The following CACNA1B variants were observed in gnomAD, a reference collection of about 807,000 sequenced individuals.
CACNA1B encodes the protein voltage-dependent N-type calcium channel subunit alpha-1B.
In CACNA1B, 70 loss-of-function variants were observed where a neutral mutation model predicts 247.2. The observed-to-expected ratio is 0.28, with a 90% CI of 0.23 to 0.35. CACNA1B has a LOEUF of 0.35. Among genes scored for constraint, CACNA1B ranks in the 10% least tolerant of loss-of-function variants. The probability of loss-of-function intolerance (pLI) is 1.00; values close to 1 mark genes in which losing one functional copy is unlikely to be tolerated. For synonymous variants in CACNA1B, 1,231 were observed against 1,294.4 expected (o/e 0.95, Z 1.05); for missense variants, 2,367 against 3,197.4 (o/e 0.74, Z 6.26).
At chr9:138,047,329 G>C (rs566312894) in intron 22 of CACNA1B, 70 bp from the exon 23 acceptor site, 135 of 1,197,718 alleles carry the variant, frequency 1.1e-4, no homozygotes, top group Non-Finnish European at 1.6e-4. Flanking sequence ...GGAAAAACTC[G>C]GAGCCACCGA....
intron 42 of CACNA1B, among the ~76,000 whole-genome samples, chr9:138,115,969 T>C (rs1454062380): frequency 6.6e-6 from 1 of 152,248 alleles, no homozygotes; most frequent in Non-Finnish European, 1.5e-5. Flanking sequence ...GGCTCTTCCT[T>C]TGCTGGGTTT....
intron 6 of CACNA1B, among the ~76,000 whole-genome samples, chr9:137,926,861 G>A (rs1315443052): frequency 6.6e-6 from 1 of 152,188 alleles, no homozygotes; most frequent in African/African-American, 2.4e-5. Flanking sequence ...GTCTGTTGGA[G>A]TTCCTTGCCC....
Position 137,974,311 on chromosome 9 carries a change from A to G in CACNA1B, c.1544-1596A>G, listed in dbSNP as rs952566485. On this transcript the variant is annotated intron_variant, in intron 11 of 46. Transcript: ENST00000371372. This position sits in a 1 kb window ranked among gnomAD's most constrained non-coding sequence, Gnocchi z 4.5. Reference sequence around the variant, plus strand: ...GGGTCGCTGGGCATCCATGCCTCTCACAGGGGGCTCTCGGCTTCTCCAGGG... The same window carrying G: ...GGGTCGCTGGGCATCCATGCCTCTCGCAGGGGGCTCTCGGCTTCTCCAGGG... Among the ~76,000 whole-genome samples, 20 of 152,116 alleles carry G rather than the reference A, an allele frequency of 1.3e-4. No homozygotes were observed. The highest frequency in any genetic ancestry group is 1.1e-3 in the Admixed American group (17 of 15,270).
intron 20 of CACNA1B, among the ~76,000 whole-genome samples, chr9:138,040,377 G>A (rs544649043): frequency 6.6e-6 from 1 of 151,762 alleles, no homozygotes; most frequent in African/African-American, 2.4e-5. Flanking sequence ...TATTGCTTGA[G>A]TTCATATATG....
In CACNA1B at chr9:138,123,648, C is replaced by G. The variant is rs1319045977; in HGVS notation, c.*1649C>G. The G allele has an allele frequency of 1.3e-5, 2 of 151,898 alleles. No individual in the cohort carries two copies. Among genetic ancestry groups the G allele is most frequent in the Non-Finnish European group, 2.9e-5 (2 of 68,010 alleles). The allele number at this position is 151,898 out of a possible 1,614,324, so 9.4% of individuals were successfully genotyped here. A position where few individuals can be genotyped will look rare whatever the true frequency, so the allele number is the denominator to read the frequency against. On this transcript the variant is annotated 3_prime_UTR_variant, in exon 47 of 47. Coordinates refer to ENST00000371372, the MANE Select transcript of CACNA1B (RefSeq NM_000718.4). ...GTGTTCAGTGTGTGGATGTCATTAA[C>G]CCATAGGGCTATGCAACAAAAGACA...
At position 137,954,354 on chromosome 9, in the gene CACNA1B, G is replaced by A. The variant is rs1349793116; in HGVS notation, c.1071-1344G>A. On this transcript the variant is annotated intron_variant, in intron 7 of 46. Coordinates refer to ENST00000371372, the MANE Select transcript of CACNA1B (RefSeq NM_000718.4). The surrounding 1 kb of genome is among the most constrained non-coding windows in gnomAD (Gnocchi z 4.1). Reference sequence around the variant, plus strand: ...CGGCATCTCTCTCTCCATTCCCAGAGCTCCCATCCTCACAGCATCCCAGAG... The same window carrying A: ...CGGCATCTCTCTCTCCATTCCCAGAACTCCCATCCTCACAGCATCCCAGAG... 3.3e-5 allele frequency among the ~76,000 whole-genome samples: 5 copies of A among 152,214 alleles called. No homozygotes were observed. The highest frequency in any genetic ancestry group is 7.4e-5 in the Non-Finnish European group (5 of 68,022).
intron 37 of CACNA1B, among the ~76,000 whole-genome samples, chr9:138,101,865 G>A (rs1048947411): frequency 6.6e-6 from 1 of 152,236 alleles, no homozygotes; most frequent in African/African-American, 2.4e-5. Context: ...ACAGGCAGGT[G>A]TCCCAGGGTT....
rs983317106 is a variant in CACNA1B at position 138,059,792 on chromosome 9, C to T, written c.4668+55C>T. The T allele has an allele frequency of 1.0e-6, 1 of 999,096 alleles. No homozygotes were observed. Among genetic ancestry groups the T allele is most frequent in the East Asian group, 2.4e-5 (1 of 42,112 alleles). 61.9% of individuals were successfully genotyped at this position (999,096 alleles called of 1,614,324 possible). A position where few individuals can be genotyped will look rare whatever the true frequency, so the allele number is the denominator to read the frequency against. On this transcript the variant is annotated intron_variant, in intron 31 of 46. Transcript: ENST00000371372. This position sits in a 1 kb window ranked among gnomAD's most constrained non-coding sequence, Gnocchi z 4.2. ...GTCCCCAGGTGGTTTCCTTCTAGAG[C>T]CTGCTCCCCTCAGTGCATCTCCAGG...
chr9:137,926,964 T>C (rs1237315838), intron 6 of CACNA1B, among the ~76,000 whole-genome samples: 1 of 152,196 alleles, frequency 6.6e-6, no homozygotes, highest in Non-Finnish European at 1.5e-5. Flanking sequence ...ATTTACGATT[T>C]TCTCCCATTC....
At chr9:138,119,724 C>A (rs1452606544) in intron 44 of CACNA1B, among the ~76,000 whole-genome samples, 1 of 152,168 alleles carries the variant, frequency 6.6e-6, no homozygotes. Context: ...TGTGCTGGGG[C>A]CTCCTCCTTC....
At chr9:138,000,861 A>C (rs1373305533) in intron 15 of CACNA1B, among the ~76,000 whole-genome samples, 1 of 152,220 alleles carries the variant, frequency 6.6e-6, no homozygotes, top group Non-Finnish European at 1.5e-5. Flanking sequence ...TGTAATTAAA[A>C]AAATCTCTTT....
intron 6 of CACNA1B, among the ~76,000 whole-genome samples, chr9:137,935,518 G>C (rs994625178): frequency 2.0e-5 from 3 of 152,162 alleles, no homozygotes; most frequent in Non-Finnish European, 4.4e-5. Flanking sequence ...GGACATTTGG[G>C]TTAGTTCTTA....
rs201249827 is a variant in CACNA1B at position 138,122,006 on chromosome 9, C to T, written c.*7C>T. On this transcript the variant is annotated 3_prime_UTR_variant, in exon 47 of 47. Transcript: ENST00000371372. ...CCAAGACCACTGGTGCTAGCTGCAC[C>T]GTGACCGCTCAGACGCCTGCATGCA... 2.5e-6 allele frequency: 4 copies of T among 1,591,902 alleles called. No individual in the cohort carries two copies. Among genetic ancestry groups the T allele is most frequent in the East Asian group, 2.2e-5 (1 of 44,572 alleles).
Position 137,952,535 on chromosome 9 carries a change from G to A in CACNA1B, c.1070+158G>A, listed in dbSNP as rs1410318817. 6.6e-6 allele frequency among the ~76,000 whole-genome samples: 1 copy of A among 152,076 alleles called. No individual in the cohort carries two copies. Among genetic ancestry groups the A allele is most frequent in the South Asian group, 2.1e-4 (1 of 4,814 alleles). On this transcript the variant is annotated intron_variant, in intron 7 of 46. Transcript: ENST00000371372. The surrounding 1 kb of genome is among the most constrained non-coding windows in gnomAD (Gnocchi z 4.8). ...TGGGTTCTGGTAGCCCTTCCTTTGT[G>A]CCACCATCCTGACCTGTCCTTGATC...
intron 6 of CACNA1B, among the ~76,000 whole-genome samples, chr9:137,927,168 T>C (rs1400918404): frequency 6.6e-6 from 1 of 152,120 alleles, no homozygotes; most frequent in Non-Finnish European, 1.5e-5. Flanking sequence ...TTTTTTTAGG[T>C]CTCACATTCA....
At chr9:137,993,473 G>T (rs958137515) in intron 15 of CACNA1B, among the ~76,000 whole-genome samples, 3 of 151,974 alleles carry the variant, frequency 2.0e-5, no homozygotes, top group African/African-American at 7.2e-5. Context: ...TAAGGGAGAA[G>T]ATCCAAATAT....
intron 15 of CACNA1B, among the ~76,000 whole-genome samples, chr9:137,999,113 C>T (rs193202217): frequency 4.6e-5 from 7 of 152,172 alleles, no homozygotes; most frequent in Admixed American, 2.0e-4. Flanking sequence ...TCAAGACCAG[C>T]CTGGCGTGGT....
At chr9:138,053,742 A>G (rs1225351400) in intron 25 of CACNA1B, 104 bp from the exon 26 acceptor site, 8 of 704,516 alleles carry the variant, frequency 1.1e-5, no homozygotes, top group East Asian at 5.9e-5. Context: ...TCACCCCCTC[A>G]TCGTGGCTCC....
intron 3 of CACNA1B, among the ~76,000 whole-genome samples, chr9:137,884,325 TGGAA>T (rs1956971682): frequency 6.7e-6 from 1 of 148,602 alleles, no homozygotes; most frequent in Non-Finnish European, 1.5e-5. Flanking sequence ...GTAGAATTTA[TGGAA>T]GGCCCTGTGG....
Sources: gnomAD v4.1 joint callset for allele counts (sites outside exome capture counted in the v4.1 genomes callset) on GRCh38, gnomAD v4.1.1 for gene constraint, Gnocchi (gnomAD v3.1) non-coding constraint, MANE v1.5 for transcripts, NCBI Gene and HGNC (gene_info 2026-07-23, HGNC 2026-07-21) for gene names.